Variants in POLR2B observed in about 807,000 individuals in gnomAD.
POLR2B encodes the protein RNA polymerase II subunit B.
Under a neutral mutation model 144.6 loss-of-function variants are expected in POLR2B, and 57 were observed. The ratio of observed to expected loss-of-function variants is 0.39; its 90% CI spans 0.32 to 0.49. POLR2B has a LOEUF of 0.49. Among genes scored for constraint, POLR2B ranks in the 20% least tolerant of loss-of-function variants. The pLI is 0.83. For synonymous variants in POLR2B, 442 were observed against 469.8 expected (o/e 0.94, Z 0.77); for missense variants, 595 against 1,467.4 (o/e 0.41, Z 9.71).
intron 10 of POLR2B, 142 bp downstream of exon 10, chr4:57,007,144 C>T (rs1382598439): frequency 1.6e-6 from 1 of 616,616 alleles, no homozygotes; most frequent in Admixed American, 3.1e-5. Flanking sequence ...TGTGGTGGCT[C>T]ACACCTGTAA....
At chr4:56,996,205 C>CGTGTGTGTGTGTGTGTGTGTGT (rs1325314185) in intron 6 of POLR2B, among the ~76,000 whole-genome samples, 7 of 41,162 alleles carry the variant, frequency 1.7e-4, no homozygotes, top group South Asian at 1.6e-3. Context: ...TATTTCAGTT[C>CGTGTGTGTGTGTGTGTGTGTGT]ATGTGTGTGT....
rs546777340 is a variant in POLR2B, at chr4:57,015,418, A to G, written c.1801-84A>G. ...AAATTGGTTGCTCCAGAAATTTAGT[A>G]GGATTTGTATTGTATTTTTAACTAA... On this transcript the variant is annotated intron_variant, in intron 13 of 24. Coordinates refer to ENST00000314595, the MANE Select transcript of POLR2B (RefSeq NM_000938.3). 59 of 668,464 alleles carry G rather than the reference A, an allele frequency of 8.8e-5. No individual in the cohort carries two copies. The African/African-American group carries it at 9.7e-4, about 11-fold the overall frequency. 41.4% of individuals were successfully genotyped at this position (668,464 alleles called of 1,614,324 possible).
chr4:57,006,580 C>T (rs1015178417), intron 9 of POLR2B, among the ~76,000 whole-genome samples: 1 of 152,202 alleles, frequency 6.6e-6, no homozygotes, highest in Non-Finnish European at 1.5e-5. Flanking sequence ...GCTGGGATTA[C>T]AGATGTGAGC....
rs1307953360 is a variant in POLR2B, at chr4:56,994,836, T to A, written c.546T>A (p.Gly182=). ...CELNECPLDP[G]GYFIINGSEK... ...TAAATGAATGCCCTTTGGATCCTGG[T>A]GGCTATTTCATTATTAATGGATCAG... is the stretch of plus-strand genomic sequence containing the variant. The change falls in exon 5 of 25, where the codon GGT becomes GGA. Residue 182 remains glycine, a synonymous_variant. Coordinates refer to ENST00000314595, the MANE Select transcript of POLR2B (RefSeq NM_000938.3). 6.2e-7 allele frequency: 1 copy of A among 1,608,552 alleles called. No homozygotes were observed. Among genetic ancestry groups the A allele is most frequent in the South Asian group, 1.1e-5 (1 of 90,886 alleles).
At chr4:57,015,773 T>C (rs1723347072) in intron 14 of POLR2B, 117 bp downstream of exon 14, 1 of 291,280 alleles carries the variant, frequency 3.4e-6, no homozygotes, top group Non-Finnish European at 5.7e-6. Context: ...TATTTATTTA[T>C]TTTTTTGACA....
chr4:57,022,863 T>C (rs1406160820), intron 18 of POLR2B, among the ~76,000 whole-genome samples: 1 of 152,186 alleles, frequency 6.6e-6, no homozygotes, highest in East Asian at 1.9e-4. Context: ...ATTGGGTGGC[T>C]CTGTGTAGTA....
chr4:56,982,531 C>G (rs1185940567), intron 1 of POLR2B, among the ~76,000 whole-genome samples: 1 of 151,724 alleles, frequency 6.6e-6, no homozygotes, highest in Non-Finnish European at 1.5e-5. Flanking sequence ...TGTGATCACA[C>G]CACTGCACTT....
At chr4:56,987,353 T>C (rs1722364676) in intron 2 of POLR2B, among the ~76,000 whole-genome samples, 1 of 152,172 alleles carries the variant, frequency 6.6e-6, no homozygotes, top group African/African-American at 2.4e-5. Context: ...AAGTAACTTA[T>C]AAGTGATAAA....
At chr4:57,016,113 T>C (rs1578585158) in intron 14 of POLR2B, among the ~76,000 whole-genome samples, 1 of 152,254 alleles carries the variant, frequency 6.6e-6, no homozygotes, top group East Asian at 1.9e-4. Flanking sequence ...GTTTGCAATG[T>C]TGTGCAACCA....
chr4:56,983,784 A>G (rs1722232615), intron 1 of POLR2B, among the ~76,000 whole-genome samples: 1 of 151,582 alleles, frequency 6.6e-6, no homozygotes, highest in Non-Finnish European at 1.5e-5. Context: ...GGGATTACTG[A>G]CATGAGCCAC....
intron 3 of POLR2B, 98 bp downstream of exon 3, chr4:56,990,996 G>A: frequency 2.2e-6 from 2 of 908,928 alleles, no homozygotes; most frequent in Non-Finnish European, 3.2e-6. Context: ...AAAGTCAGTT[G>A]GAGCTTTTAG....
Position 57,015,539 on chromosome 4 carries a change from G to T in POLR2B, c.1838G>T (p.Arg613Leu). Reference sequence around the variant, plus strand: ...AGAGATATTCGAGAGAGGGAGATTCGGATCTATACGGATGCAGGCCGTATT... The same window carrying T: ...AGAGATATTCGAGAGAGGGAGATTCTGATCTATACGGATGCAGGCCGTATT... ...MIRDIREREI[R>L]IYTDAGRICR... The change falls in exon 14 of 25, where the codon CGG becomes CTG. Residue 613 changes from arginine to leucine, a missense_variant. Arg to Leu is a moderately radical substitution (Grantham distance 102). Coordinates refer to ENST00000314595, the MANE Select transcript of POLR2B (RefSeq NM_000938.3). 1 of 1,425,356 alleles carries T rather than the reference G, an allele frequency of 7.0e-7. No homozygotes were observed. The highest frequency in any genetic ancestry group is 9.3e-7 in the Non-Finnish European group (1 of 1,071,264). The allele number at this position is 1,425,356 out of a possible 1,614,324, so 88.3% of individuals were successfully genotyped here. A position where few individuals can be genotyped will look rare whatever the true frequency, so the allele number is the denominator to read the frequency against.
chr4:56,983,159 A>G (rs1722207482), intron 1 of POLR2B, among the ~76,000 whole-genome samples: 1 of 152,168 alleles, frequency 6.6e-6, no homozygotes, highest in Non-Finnish European at 1.5e-5. Context: ...GTAAAGGCCA[A>G]ACTCTTCTTA....
chr4:56,987,483 G>C (rs1484067248), intron 2 of POLR2B, among the ~76,000 whole-genome samples: 1 of 152,126 alleles, frequency 6.6e-6, no homozygotes, highest in Admixed American at 6.6e-5. Context: ...AGCCCCATCA[G>C]CTCCAAGGTG....
At chr4:56,987,697 A>G (rs10025890) in intron 2 of POLR2B, among the ~76,000 whole-genome samples, 1,870 of 152,252 alleles carry the variant, frequency 0.012, 41 homozygotes, top group African/African-American at 0.042. Flanking sequence ...CCTGGCCAAC[A>G]TAGTGAAGCT....
intron 16 of POLR2B, among the ~76,000 whole-genome samples, chr4:57,019,504 C>G (rs934400699): frequency 6.6e-6 from 1 of 151,980 alleles, no homozygotes; most frequent in Non-Finnish European, 1.5e-5. Flanking sequence ...TACGGCCAGC[C>G]CATCGTACCA....
Position 57,005,655 on chromosome 4 carries a change from A to C in POLR2B, c.1153A>C (p.Arg385=). ...TTTGGGTAGAAGAGAACTAGATGAC[A>C]GAGATCACTATGGAAACAAGAGATT... ...AALGRRELDD[R]DHYGNKRLDL... is the part of the protein sequence containing the mutation. The change falls in exon 9 of 25, where the codon AGA becomes CGA. Residue 385 remains arginine (R), a synonymous_variant. Coordinates refer to ENST00000314595, the MANE Select transcript of POLR2B (RefSeq NM_000938.3). The C allele has an allele frequency of 6.2e-7, 1 of 1,612,264 alleles. No individual in the cohort carries two copies. The highest frequency in any genetic ancestry group is 8.5e-7 in the Non-Finnish European group (1 of 1,178,666).
intron 3 of POLR2B, among the ~76,000 whole-genome samples, chr4:56,991,466 CTG>C (rs1473972184): frequency 6.6e-6 from 1 of 152,152 alleles, no homozygotes; most frequent in Non-Finnish European, 1.5e-5. Context: ...AAAATAATGA[CTG>C]TCCCAGTTTT....
rs1318236869 is a variant in POLR2B, at chr4:56,995,425, G to C, written c.735+16G>C. 1 of 1,564,780 alleles carries C rather than the reference G, an allele frequency of 6.4e-7. No individual in the cohort carries two copies. The highest frequency in any genetic ancestry group is 1.8e-5 in the Admixed American group (1 of 56,560). On this transcript the variant is annotated intron_variant, in intron 6 of 24. Coordinates refer to ENST00000314595, the MANE Select transcript of POLR2B (RefSeq NM_000938.3). ...AGGAGGACAGGTATGGACTGGATAT[G>C]ATGCTATTTGGGTTTATTCCTTTGT... is the stretch of plus-strand genomic sequence containing the variant.
Sources: allele counts gnomAD v4.1 joint callset (sites outside exome capture counted in the v4.1 genomes callset), GRCh38; gene constraint gnomAD v4.1.1; transcripts MANE v1.5; gene names NCBI Gene and HGNC (gene_info 2026-07-23, HGNC 2026-07-21).